Variants in TULP4 observed in about 807,000 individuals in gnomAD.
The protein encoded by TULP4 is TUB like protein 4, also known as tubby-related protein 4.
In TULP4, 16 loss-of-function variants were observed where a neutral mutation model predicts 129.0. That is an observed-to-expected ratio of 0.12 (90% CI 0.08 to 0.19). The LOEUF (loss-of-function observed/expected upper bound fraction) is 0.19, where lower values mean the gene tolerates loss of function less well. Ranked by LOEUF, TULP4 falls within the 10% of genes least tolerant of loss-of-function variation. The pLI, the probability that TULP4 is intolerant of heterozygous loss-of-function variation, is 1.00. For synonymous variants in TULP4, 998 were observed against 854.0 expected (o/e 1.17, Z -2.94); for missense variants, 1,842 against 2,059.1 (o/e 0.89, Z 2.04).
Position 158,375,844 on chromosome 6 carries a change from T to TGG in TULP4, c.253-37217_253-37216dup, listed in dbSNP as rs1377040153. 2.0e-5 allele frequency among the ~76,000 whole-genome samples: 3 copies of TGG among 152,250 alleles called. No individual in the cohort carries two copies. In the East Asian group the frequency reaches 5.8e-4, roughly 29 times the overall value. On this transcript the variant is annotated intron_variant, in intron 1 of 13. Coordinates refer to ENST00000367097, the MANE Select transcript of TULP4 (RefSeq NM_020245.5). ...GGCTAGATTTAAGAAGCCAGAGTAG[T>TGG]GGGGGCAAAGAATAGTGTGACTGAA... is the stretch of plus-strand genomic sequence containing the variant.
chr6:158,417,489 T>G (rs893009016), intron 2 of TULP4, among the ~76,000 whole-genome samples: 3 of 152,236 alleles, frequency 2.0e-5, no homozygotes, highest in African/African-American at 7.2e-5. Flanking sequence ...GGAACTCAGA[T>G]TTTTCAAATC....
At chr6:158,256,178 T>C (rs1045879448) in intron 1 of TULP4, among the ~76,000 whole-genome samples, 3 of 152,196 alleles carry the variant, frequency 2.0e-5, no homozygotes, top group Admixed American at 6.6e-5. Flanking sequence ...TGGTTAAGGC[T>C]TTGGTGATTA....
intron 1 of TULP4, among the ~76,000 whole-genome samples, chr6:158,315,018 C>T (rs1211019304): frequency 2.0e-5 from 3 of 152,104 alleles, no homozygotes; most frequent in East Asian, 1.9e-4. Flanking sequence ...ATGGCACCTT[C>T]GCAATATTCA....
intron 11 of TULP4, 99 bp from the exon 12 acceptor site, chr6:158,498,570 A>T: frequency 6.9e-7 from 1 of 1,454,286 alleles, no homozygotes; most frequent in Non-Finnish European, 9.5e-7. Flanking sequence ...TTCTGATGGC[A>T]GGGAAACTGC....
chr6:158,394,814 A>G (rs943952481), intron 1 of TULP4, among the ~76,000 whole-genome samples: 1 of 147,642 alleles, frequency 6.8e-6, no homozygotes, highest in African/African-American at 2.5e-5. Context: ...AAAAAAAAAA[A>G]GGAACTACCT....
intron 1 of TULP4, among the ~76,000 whole-genome samples, chr6:158,335,885 G>T (rs1780021389): frequency 6.6e-6 from 1 of 152,180 alleles, no homozygotes; most frequent in Non-Finnish European, 1.5e-5. Flanking sequence ...CCTGTATTTT[G>T]CAATTACAGA....
At chr6:158,422,889 C>T (rs1412634863) in intron 2 of TULP4, among the ~76,000 whole-genome samples, 1 of 152,212 alleles carries the variant, frequency 6.6e-6, no homozygotes. Flanking sequence ...GGCCATGTTG[C>T]CAGGAACACC....
At chr6:158,478,751 G>A (rs1779874187) in intron 6 of TULP4, among the ~76,000 whole-genome samples, 2 of 152,148 alleles carry the variant, frequency 1.3e-5, no homozygotes, top group African/African-American at 2.4e-5. Flanking sequence ...TCTCCGTCAC[G>A]ACCCTTCACC....
chr6:158,444,563 C>T (rs1274020611), intron 3 of TULP4, among the ~76,000 whole-genome samples: 1 of 152,074 alleles, frequency 6.6e-6, no homozygotes, highest in Non-Finnish European at 1.5e-5. Context: ...CATTTCCCAA[C>T]ATGGTTTTAT....
intron 1 of TULP4, among the ~76,000 whole-genome samples, chr6:158,368,489 T>C (rs940494533): frequency 2.0e-5 from 3 of 152,194 alleles, no homozygotes; most frequent in Non-Finnish European, 4.4e-5. Flanking sequence ...TTGAACAGCA[T>C]GTGACAGGCC....
chr6:158,325,077 GC>G (rs1779716169), intron 1 of TULP4, among the ~76,000 whole-genome samples: 1 of 152,142 alleles, frequency 6.6e-6, no homozygotes, highest in South Asian at 2.1e-4. Context: ...TTTGGTTTGG[GC>G]CGTATTCCAA....
intron 2 of TULP4, among the ~76,000 whole-genome samples, chr6:158,424,270 A>G (rs1778424567): frequency 1.3e-5 from 2 of 152,108 alleles, no homozygotes; most frequent in South Asian, 2.1e-4. Flanking sequence ...TTATTTACTT[A>G]TTTTGAGATG....
In TULP4 at chr6:158,234,565, AG is replaced by A. The variant is rs553674577; in HGVS notation, n.68+2263del. Among the ~76,000 whole-genome samples the A allele has an allele frequency of 1.5e-3, 224 of 152,342 alleles. 2 individuals carry two copies. Among genetic ancestry groups the A allele is most frequent in the African/African-American group, 5.1e-3 (214 of 41,576 alleles). ...GCAACATCAATTAACAATCTCCTGG[AG>A]AGAGTGAAGATAGAGTGGCTCAGCT... On this transcript the variant is annotated intron_variant and non_coding_transcript_variant, in intron 1 of 1. Transcript: ENST00000620026.
chr6:158,467,277 C>CTTTTT (rs59276592), intron 6 of TULP4, among the ~76,000 whole-genome samples: 4 of 140,876 alleles, frequency 2.8e-5, no homozygotes, highest in African/African-American at 5.1e-5. Flanking sequence ...CTTTCCCTTT[C>CTTTTT]TTTTTTTTTT....
intron 4 of TULP4, among the ~76,000 whole-genome samples, chr6:158,450,322 T>TC (rs1375875528): frequency 1.3e-5 from 2 of 152,236 alleles, no homozygotes; most frequent in Non-Finnish European, 2.9e-5. Context: ...GAAGGGCTGT[T>TC]CCGGGGGAAA....
chr6:158,441,603 T>C (rs954591312), intron 3 of TULP4, among the ~76,000 whole-genome samples: 1 of 152,206 alleles, frequency 6.6e-6, no homozygotes, highest in South Asian at 2.1e-4. Flanking sequence ...TCCTTATATG[T>C]GTTAGGAGGG....
At chr6:158,353,750 A>G (rs1160343730) in intron 1 of TULP4, among the ~76,000 whole-genome samples, 1 of 152,214 alleles carries the variant, frequency 6.6e-6, no homozygotes, top group Non-Finnish European at 1.5e-5. Flanking sequence ...CTATCTTTAA[A>G]TCTCTGTGAA....
intron 1 of TULP4, among the ~76,000 whole-genome samples, chr6:158,284,283 T>C (rs1263498329): frequency 6.6e-6 from 1 of 152,196 alleles, no homozygotes; most frequent in Non-Finnish European, 1.5e-5. Flanking sequence ...AAAGTCTCTT[T>C]TGAGACTGTT....
At chr6:158,259,484 G>A (rs1448843436) in intron 1 of TULP4, among the ~76,000 whole-genome samples, 1 of 152,224 alleles carries the variant, frequency 6.6e-6, no homozygotes, top group Non-Finnish European at 1.5e-5. Context: ...TGTGTGAATT[G>A]TGAACCTGTA....
Sources: gnomAD v4.1 joint callset for allele counts (sites outside exome capture counted in the v4.1 genomes callset) on GRCh38, gnomAD v4.1.1 for gene constraint, MANE v1.5 for transcripts, NCBI Gene and HGNC (gene_info 2026-07-23, HGNC 2026-07-21) for gene names.